The following SNX29 variants were observed in gnomAD, a reference collection of about 807,000 sequenced individuals.
SNX29 encodes the protein sorting nexin 29, also known as sorting nexin-29.
Under a neutral mutation model 102.1 loss-of-function variants are expected in SNX29, and 78 were observed. The observed-to-expected ratio is 0.76, with a 90% CI of 0.64 to 0.92. The LOEUF is 0.92. Ranked by LOEUF, SNX29 falls within the 40% of genes least tolerant of loss-of-function variation. SNX29 has a pLI of 0.00. For missense variants in SNX29, 1,280 were observed against 1,061.7 expected (o/e 1.21, Z -2.86); for synonymous variants, 580 against 414.5 (o/e 1.40, Z -4.85).
intron 20 of SNX29, among the ~76,000 whole-genome samples, chr16:12,536,715 C>A (rs187525833): frequency 3.9e-5 from 6 of 152,292 alleles, no homozygotes; most frequent in Admixed American, 2.0e-4. Flanking sequence ...TGGTGGCTCA[C>A]GCCTGTAATC....
rs188655169 is a variant in SNX29 at position 12,549,858 on chromosome 16, A to G, written c.2319-18648A>G. Among the ~76,000 whole-genome samples, 1,033 of 152,376 alleles carry G rather than the reference A, an allele frequency of 6.8e-3. 14 individuals are homozygous for G. The highest frequency in any genetic ancestry group is 0.024 in the African/African-American group (982 of 41,600). ...CCTCCTTGGCCGCATGACTGTGGTG[A>G]AACAGCCAAAGATGGTTCAGACTAG... On this transcript the variant is annotated intron_variant, in intron 20 of 20. Coordinates refer to ENST00000566228, the MANE Select transcript of SNX29 (RefSeq NM_032167.5).
intron 11 of SNX29, among the ~76,000 whole-genome samples, chr16:12,108,123 C>T (rs1008098333): frequency 6.6e-6 from 1 of 152,206 alleles, no homozygotes; most frequent in African/African-American, 2.4e-5. Context: ...AGCTGAGATG[C>T]AGATGGGCCA....
In SNX29 at chr16:12,466,434, A is replaced by T. The variant is rs546145001; in HGVS notation, c.2038-11285A>T. Among the ~76,000 whole-genome samples, 193 of 152,364 alleles carry T rather than the reference A, an allele frequency of 1.3e-3. 1 individual carries two copies. The highest frequency in any genetic ancestry group is 4.2e-3 in the Admixed American group (65 of 15,308). ...ACATCAGGCTAGAACTTTTAATAAA[A>T]CTTTATATACAGCAGCATAGTGATC... is the stretch of plus-strand genomic sequence containing the variant. On this transcript the variant is annotated intron_variant, in intron 18 of 20. Transcript: ENST00000566228.
At chr16:12,116,844 G>A (rs988040091) in intron 11 of SNX29, among the ~76,000 whole-genome samples, 7 of 151,752 alleles carry the variant, frequency 4.6e-5, no homozygotes, top group East Asian at 1.9e-4. Context: ...GTGCTTCAAC[G>A]AGGACGAACC....
chr16:12,319,121 T>C (rs1194134769), intron 15 of SNX29, among the ~76,000 whole-genome samples: 1 of 152,144 alleles, frequency 6.6e-6, no homozygotes, highest in East Asian at 1.9e-4. Flanking sequence ...TGGGCACAAC[T>C]AGGGGTGGGC....
intron 14 of SNX29, among the ~76,000 whole-genome samples, chr16:12,271,277 C>G (rs1204914188): frequency 6.6e-6 from 1 of 152,224 alleles, no homozygotes; most frequent in African/African-American, 2.4e-5. Context: ...GCGGTTGTCC[C>G]AAGGCTCCAC....
chr16:12,054,677 A>G (rs1437307405), intron 8 of SNX29, among the ~76,000 whole-genome samples: 5 of 152,138 alleles, frequency 3.3e-5, no homozygotes, highest in East Asian at 1.9e-4. Flanking sequence ...CAGCTTGTGG[A>G]CTGCGGATCA....
chr16:12,172,559 C>G (rs938353724), intron 13 of SNX29, among the ~76,000 whole-genome samples: 1 of 152,136 alleles, frequency 6.6e-6, no homozygotes, highest in Non-Finnish European at 1.5e-5. Context: ...GTGTTCTCAT[C>G]TATAAAATGG....
intron 9 of SNX29, among the ~76,000 whole-genome samples, chr16:12,063,570 C>T (rs535318680): frequency 4.1e-4 from 62 of 151,824 alleles, no homozygotes; most frequent in African/African-American, 1.3e-3. Context: ...GTAGAGATGG[C>T]GTTTCGCCAT....
At chr16:12,292,750 G>A (rs1441814917) in intron 15 of SNX29, among the ~76,000 whole-genome samples, 1 of 152,210 alleles carries the variant, frequency 6.6e-6, no homozygotes, top group African/African-American at 2.4e-5. Context: ...GCTTCTAATA[G>A]TGTGATATTC....
In SNX29 at chr16:12,383,782, T is replaced by C. The variant is rs552141522; in HGVS notation, c.1900-14664T>C. Among the ~76,000 whole-genome samples the C allele has an allele frequency of 4.7e-5, 7 of 150,468 alleles. No homozygotes were observed. In the South Asian group the frequency reaches 1.5e-3, roughly 32 times the overall value. ...AGATACGTCAACTTTCTTTTTTTTT[T>C]TTTTTTTTTGCTATCAAATACCATA... On this transcript the variant is annotated intron_variant, in intron 16 of 20. Coordinates refer to ENST00000566228, the MANE Select transcript of SNX29 (RefSeq NM_032167.5).
intron 12 of SNX29, among the ~76,000 whole-genome samples, chr16:12,127,228 C>A (rs2054252543): frequency 6.7e-6 from 1 of 149,342 alleles, no homozygotes; most frequent in Non-Finnish European, 1.5e-5. Flanking sequence ...CATTGCACTC[C>A]AGCCTGGGTG....
At position 12,572,424 on chromosome 16, in the gene SNX29, C is replaced by A; in HGVS notation, c.*3795C>A. 9.4e-7 allele frequency: 1 copy of A among 1,062,964 alleles called. No homozygotes were observed. The highest frequency in any genetic ancestry group is 1.1e-6 in the Non-Finnish European group (1 of 877,770). 65.8% of individuals were successfully genotyped at this position (1,062,964 alleles called of 1,614,324 possible). A position where few individuals can be genotyped will look rare whatever the true frequency, so the allele number is the denominator to read the frequency against. Reference sequence around the variant, plus strand: ...GGCAGGGCTCTGTGGCCCAGGCCGGCAGTGGCTGCCTCTCTTGGTTCTGCA... The same window carrying A: ...GGCAGGGCTCTGTGGCCCAGGCCGGAAGTGGCTGCCTCTCTTGGTTCTGCA... On this transcript the variant is annotated 3_prime_UTR_variant, in exon 21 of 21. Transcript: ENST00000566228.
chr16:12,541,153 T>C (rs1365984462), intron 20 of SNX29, among the ~76,000 whole-genome samples: 2 of 152,148 alleles, frequency 1.3e-5, no homozygotes, highest in African/African-American at 2.4e-5. Context: ...TACTACATCA[T>C]ACCCAGACCT....
intron 10 of SNX29, among the ~76,000 whole-genome samples, chr16:12,072,430 TG>T (rs1340610194): frequency 6.6e-6 from 1 of 152,182 alleles, no homozygotes; most frequent in Admixed American, 6.5e-5. Context: ...GATAATCATG[TG>T]GTTTTTGTCT....
intron 19 of SNX29, among the ~76,000 whole-genome samples, chr16:12,508,011 A>G (rs1183504932): frequency 6.6e-6 from 1 of 152,228 alleles, no homozygotes; most frequent in Non-Finnish European, 1.5e-5. Context: ...ACCTGGGTTC[A>G]AATCCCAGCT....
At chr16:12,002,661 C>T (rs558693607) in intron 2 of SNX29, among the ~76,000 whole-genome samples, 6 of 152,306 alleles carry the variant, frequency 3.9e-5, no homozygotes, top group Non-Finnish European at 5.9e-5. Flanking sequence ...GTGTGGTAGA[C>T]AGTCAGCTGC....
chr16:12,414,334 G>A (rs1277374638), intron 18 of SNX29, among the ~76,000 whole-genome samples: 3 of 152,126 alleles, frequency 2.0e-5, no homozygotes, highest in Non-Finnish European at 4.4e-5. Context: ...TGATCACACC[G>A]CTGCACTCCA....
intron 3 of SNX29, among the ~76,000 whole-genome samples, chr16:12,013,115 G>C (rs959440008): frequency 3.3e-5 from 5 of 151,478 alleles, no homozygotes; most frequent in Admixed American, 2.6e-4. Context: ...TTGAGGTTTG[G>C]GACTGAGCCT....
Sources: gnomAD v4.1 joint callset for allele counts (sites outside exome capture counted in the v4.1 genomes callset) on GRCh38, gnomAD v4.1.1 for gene constraint, MANE v1.5 for transcripts, NCBI Gene and HGNC (gene_info 2026-07-23, HGNC 2026-07-21) for gene names.